The following RBL1 variants were observed in gnomAD, a reference collection of about 807,000 sequenced individuals.
RBL1 encodes retinoblastoma-like protein 1.
A neutral mutation model predicts 123.0 loss-of-function variants in RBL1; 82 were observed. The observed-to-expected ratio is 0.67, with a 90% confidence interval of 0.56 to 0.80. The LOEUF (loss-of-function observed/expected upper bound fraction) is 0.80, where lower values mean the gene tolerates loss of function less well. Among genes scored for constraint, RBL1 ranks in the 30% least tolerant of loss-of-function variants. The pLI is 0.00. For synonymous variants in RBL1, 405 were observed against 441.3 expected, an observed-to-expected ratio of 0.92 and a Z score of 1.03; for missense variants, 1,171 against 1,299.6, an observed-to-expected ratio of 0.90 and a Z score of 1.52.
rs201808530 is a variant in RBL1 at position 37,065,482 on chromosome 20, A to C, written c.847-9T>G. ...CATTCTCCTTTTAATATCTGTGAAC[A>C]AAAAATTATTTTGGGACACCATATA... On this transcript the variant is annotated splice_polypyrimidine_tract_variant and intron_variant, in intron 6 of 21. Transcript: ENST00000373664. 6.3e-7 allele frequency: 1 copy of C among 1,581,648 alleles called. No homozygotes were observed. Among genetic ancestry groups the C allele is most frequent in the Non-Finnish European group, 8.6e-7 (1 of 1,158,344 alleles).
At chr20:37,056,051 A>C in intron 10 of RBL1, 95 bp downstream of exon 10, 2 of 1,483,502 alleles carry the variant, frequency 1.3e-6, no homozygotes, top group East Asian at 5.1e-5. Flanking sequence ...AAAAAAAAGA[A>C]ATAAGAATAA....
chr20:37,082,885 C>A (rs1384064965), intron 2 of RBL1, among the ~76,000 whole-genome samples: 1 of 151,994 alleles, frequency 6.6e-6, no homozygotes, highest in Non-Finnish European at 1.5e-5. Flanking sequence ...ACCCGTAGTC[C>A]CAGCTACTTG....
At chr20:37,030,808 T>C (rs535320438) in intron 16 of RBL1, among the ~76,000 whole-genome samples, 16 of 151,228 alleles carry the variant, frequency 1.1e-4, no homozygotes, top group Non-Finnish European at 1.8e-4. Flanking sequence ...TGAGCCGAGA[T>C]TGCGCTACTG....
chr20:37,003,189 T>C (rs1352223540), intron 21 of RBL1, among the ~76,000 whole-genome samples: 1 of 152,198 alleles, frequency 6.6e-6, no homozygotes, highest in Non-Finnish European at 1.5e-5. Flanking sequence ...TCTGGAGACA[T>C]ACTGAACATA....
intron 19 of RBL1, among the ~76,000 whole-genome samples, chr20:37,009,456 T>C (rs2064120454): frequency 6.6e-6 from 1 of 152,140 alleles, no homozygotes; most frequent in African/African-American, 2.4e-5. Context: ...TTATGAAAGG[T>C]TCTTGATCCT....
chr20:37,060,980 G>T, intron 9 of RBL1, 123 bp downstream of exon 9: 1 of 1,066,270 alleles, frequency 9.4e-7, no homozygotes, highest in Non-Finnish European at 1.3e-6. Context: ...GATTGAAATG[G>T]TATAGTAAAA....
At chr20:37,011,740 T>TG (rs780870356) in intron 19 of RBL1, among the ~76,000 whole-genome samples, 2 of 152,032 alleles carry the variant, frequency 1.3e-5, no homozygotes, top group African/African-American at 2.4e-5. Context: ...CAGCCAGAAA[T>TG]GGGTTTTTAC....
intron 2 of RBL1, among the ~76,000 whole-genome samples, chr20:37,082,419 G>C (rs961783032): frequency 1.3e-5 from 2 of 152,038 alleles, no homozygotes; most frequent in African/African-American, 4.8e-5. Flanking sequence ...CTTAAAAATT[G>C]TCAACTTTAT....
In RBL1 at chr20:37,001,852, G is replaced by T. The variant is rs2063986260; in HGVS notation, c.3036+1850C>A. On this transcript the variant is annotated intron_variant, in intron 21 of 21. Coordinates refer to ENST00000373664, the MANE Select transcript of RBL1 (RefSeq NM_002895.5). The stretch of plus-strand genomic sequence containing the variant: ...TGTGCTTTCCTACCCTGTGAACTAA[G>T]AGTCTAAATCTGTGAAAAGATGTCC... 6.7e-5 allele frequency among the ~76,000 whole-genome samples: 9 copies of T among 133,824 alleles called. No homozygotes were observed. In the South Asian group the frequency reaches 2.2e-3, roughly 33 times the overall value. The allele number at this position is 133,824 out of a possible 152,430, so 87.8% of individuals were successfully genotyped here.
At chr20:37,081,637 C>T (rs1232658587) in intron 2 of RBL1, among the ~76,000 whole-genome samples, 1 of 152,108 alleles carries the variant, frequency 6.6e-6, no homozygotes, top group Non-Finnish European at 1.5e-5. Context: ...CCAGCCTGAG[C>T]AACAGAGTAA....
At chr20:37,036,877 G>A (rs1248076599) in intron 14 of RBL1, among the ~76,000 whole-genome samples, 4 of 152,056 alleles carry the variant, frequency 2.6e-5, no homozygotes, top group East Asian at 3.9e-4. Context: ...TGCCCGCCTC[G>A]GCCTCCCAAA....
chr20:37,092,532 C>A (rs1336195169), intron 1 of RBL1, among the ~76,000 whole-genome samples: 1 of 152,082 alleles, frequency 6.6e-6, no homozygotes, highest in African/African-American at 2.4e-5. Flanking sequence ...CCACACCCAG[C>A]TAATTTTTGT....
At chr20:37,042,907 C>CCAAA (rs1426087593) in intron 13 of RBL1, among the ~76,000 whole-genome samples, 1 of 53,318 alleles carries the variant, frequency 1.9e-5, no homozygotes, top group Non-Finnish European at 3.7e-5. Context: ...CCCCCCCCTC[C>CCAAA]AAAAAAAAAA....
intron 1 of RBL1, among the ~76,000 whole-genome samples, chr20:37,091,661 A>C (rs2146339699): frequency 7.6e-6 from 1 of 131,462 alleles, no homozygotes; most frequent in East Asian, 2.0e-4. Flanking sequence ...ACGAGACTCT[A>C]TCTCAAAAAA....
chr20:37,010,183 C>A (rs979582373), intron 19 of RBL1, among the ~76,000 whole-genome samples: 3 of 151,878 alleles, frequency 2.0e-5, no homozygotes, highest in Non-Finnish European at 4.4e-5. Flanking sequence ...CACAGTGAGA[C>A]CCCATCTCGG....
chr20:37,035,747 C>A (rs1196814593), intron 14 of RBL1, among the ~76,000 whole-genome samples: 1 of 152,186 alleles, frequency 6.6e-6, no homozygotes, highest in African/African-American at 2.4e-5. Flanking sequence ...CCTCTGCCTA[C>A]ATTAAAGGAG....
At chr20:37,063,162 C>G (rs1198753015) in intron 7 of RBL1, among the ~76,000 whole-genome samples, 1 of 152,150 alleles carries the variant, frequency 6.6e-6, no homozygotes, top group Admixed American at 6.5e-5. Context: ...ACTGCAGCCT[C>G]TACCTCCCAG....
At chr20:37,077,628 T>C (rs1332441048) in intron 2 of RBL1, among the ~76,000 whole-genome samples, 1 of 152,162 alleles carries the variant, frequency 6.6e-6, no homozygotes, top group African/African-American at 2.4e-5. Context: ...TGTGAGCCAA[T>C]TCCTTAAAAT....
intron 16 of RBL1, 140 bp downstream of exon 16, chr20:37,032,525 C>T: frequency 7.6e-7 from 1 of 1,322,596 alleles, no homozygotes; most frequent in East Asian, 2.5e-5. Context: ...TACCATTGAA[C>T]TGTACACTTA....
Sources: allele counts gnomAD v4.1 joint callset (sites outside exome capture counted in the v4.1 genomes callset), GRCh38; gene constraint gnomAD v4.1.1; transcripts MANE v1.5; gene names NCBI Gene and HGNC (gene_info 2026-07-23, HGNC 2026-07-21).